MACROD2: variants seen among roughly 807,000 people sequenced by gnomAD.
The protein encoded by MACROD2 is ADP-ribose glycohydrolase MACROD2.
In MACROD2, 36 loss-of-function variants were observed where a neutral mutation model predicts 70.4. That is an observed-to-expected ratio of 0.51 (90% confidence interval 0.39 to 0.68). MACROD2 has a LOEUF of 0.68. Ranked by LOEUF, MACROD2 falls within the 30% of genes least tolerant of loss-of-function variation. MACROD2 has a pLI of 0.00. For synonymous variants in MACROD2, 172 were observed against 178.8 expected, an observed-to-expected ratio of 0.96 and a Z score of 0.30; for missense variants, 496 against 538.4, an observed-to-expected ratio of 0.92 and a Z score of 0.78.
At chr20:14,495,010 A>G (rs2084837943) in intron 4 of MACROD2, among the ~76,000 whole-genome samples, 1 of 152,174 alleles carries the variant, frequency 6.6e-6, no homozygotes, top group Admixed American at 6.6e-5. Flanking sequence ...ATGTAAACAC[A>G]TTCATCAACT....
intron 4 of MACROD2, among the ~76,000 whole-genome samples, chr20:14,640,662 C>A (rs1276151298): frequency 6.6e-6 from 1 of 152,018 alleles, no homozygotes; most frequent in Non-Finnish European, 1.5e-5. Flanking sequence ...AAGTAAACAG[C>A]AATAAAGTAA....
chr20:14,744,327 T>A (rs2071771946), intron 5 of MACROD2, among the ~76,000 whole-genome samples: 2 of 152,164 alleles, frequency 1.3e-5, no homozygotes, highest in Admixed American at 6.5e-5. Context: ...TTAAAAAAAT[T>A]TTTTAATTGA....
At chr20:15,785,147 G>A (rs1316302093) in intron 8 of MACROD2, among the ~76,000 whole-genome samples, 30 of 115,208 alleles carry the variant, frequency 2.6e-4, no homozygotes, top group African/African-American at 9.4e-4. Context: ...GCGAGACTCC[G>A]TCTCAAAAAA....
chr20:14,928,243 T>A (rs1358323231), intron 5 of MACROD2, among the ~76,000 whole-genome samples: 2 of 95,114 alleles, frequency 2.1e-5, no homozygotes, highest in African/African-American at 4.9e-5. Flanking sequence ...CAGTGTAGAA[T>A]TATTCTATCC....
intron 3 of MACROD2, among the ~76,000 whole-genome samples, chr20:14,395,237 G>GT (rs1475416640): frequency 6.6e-6 from 1 of 151,804 alleles, no homozygotes; most frequent in East Asian, 1.9e-4. Context: ...TTATTAGTTT[G>GT]TTTTTTGTGG....
At chr20:14,360,717 G>T (rs976329871) in intron 3 of MACROD2, among the ~76,000 whole-genome samples, 1 of 152,286 alleles carries the variant, frequency 6.6e-6, no homozygotes, top group South Asian at 2.1e-4. Context: ...CTGTAATCAG[G>T]CATCTTTTCT....
intron 5 of MACROD2, among the ~76,000 whole-genome samples, chr20:14,926,318 G>A (rs1262259488): frequency 2.0e-5 from 3 of 152,098 alleles, no homozygotes; most frequent in Admixed American, 6.6e-5. Flanking sequence ...AGGAGGCTGA[G>A]GCAGGTGGAT....
At chr20:14,390,465 G>T (rs1009641207) in intron 3 of MACROD2, among the ~76,000 whole-genome samples, 1 of 152,168 alleles carries the variant, frequency 6.6e-6, no homozygotes, top group African/African-American at 2.4e-5. Flanking sequence ...AACAAAGCTG[G>T]AGGCATCATG....
At chr20:14,972,898 TAAAC>T (rs1386061099) in intron 5 of MACROD2, among the ~76,000 whole-genome samples, 1 of 152,204 alleles carries the variant, frequency 6.6e-6, no homozygotes, top group East Asian at 1.9e-4. Context: ...ATCTAAAACT[TAAAC>T]AGCCAGAAAC....
At chr20:15,960,165 A>G (rs2066039207) in intron 12 of MACROD2, among the ~76,000 whole-genome samples, 1 of 152,168 alleles carries the variant, frequency 6.6e-6, no homozygotes, top group South Asian at 2.1e-4. Flanking sequence ...CTCTCCTGGT[A>G]TGTGGAGCTC....
rs532448634 is a variant in MACROD2 at position 15,543,280 on chromosome 20, A to G, written c.645+43433A>G. On this transcript the variant is annotated intron_variant, in intron 8 of 17. Transcript: ENST00000684519. Reference sequence around the variant, plus strand: ...AACTTTTCTAAGTGTCAGTTTCCTCATCTGTTCAAGAGGAATGGATAATAA... The same window carrying G: ...AACTTTTCTAAGTGTCAGTTTCCTCGTCTGTTCAAGAGGAATGGATAATAA... 4.6e-4 allele frequency among the ~76,000 whole-genome samples: 70 copies of G among 152,284 alleles called. No individual in the cohort carries two copies. In the South Asian group the frequency reaches 0.014, roughly 31 times the overall value.
chr20:14,863,215 A>C (rs2073391384), intron 5 of MACROD2, among the ~76,000 whole-genome samples: 1 of 152,098 alleles, frequency 6.6e-6, no homozygotes, highest in Non-Finnish European at 1.5e-5. Context: ...ACTTTTCATA[A>C]ACTGCACTTG....
chr20:14,863,964 T>G (rs1326742952), intron 5 of MACROD2, among the ~76,000 whole-genome samples: 1 of 152,078 alleles, frequency 6.6e-6, no homozygotes. Context: ...CAAATCTGTA[T>G]TTTTAATAAG....
At chr20:15,122,932 T>C (rs1223902435) in intron 5 of MACROD2, among the ~76,000 whole-genome samples, 1 of 152,210 alleles carries the variant, frequency 6.6e-6, no homozygotes, top group Non-Finnish European at 1.5e-5. Flanking sequence ...CACCTGTTGA[T>C]ACTCTTAACA....
chr20:15,494,505 A>G (rs1304533941), intron 7 of MACROD2, among the ~76,000 whole-genome samples: 1 of 152,268 alleles, frequency 6.6e-6, no homozygotes, highest in African/African-American at 2.4e-5. Context: ...GAAATAAGCT[A>G]CTGTTATATG....
chr20:15,314,874 A>G (rs1030668522), intron 6 of MACROD2, among the ~76,000 whole-genome samples: 12 of 152,216 alleles, frequency 7.9e-5, no homozygotes, highest in African/African-American at 2.9e-4. Context: ...ATGCACACCC[A>G]GTGCAGGACA....
intron 6 of MACROD2, among the ~76,000 whole-genome samples, chr20:15,276,291 T>G (rs1393085755): frequency 6.6e-6 from 1 of 151,616 alleles, no homozygotes. Context: ...TCCCGGCTAC[T>G]CGGGAGGCTG....
intron 8 of MACROD2, among the ~76,000 whole-genome samples, chr20:15,636,071 C>CAAAAAAAAAAAAAAAAAAAAAAAAAAAA (rs1178846767): frequency 3.6e-5 from 1 of 27,970 alleles, no homozygotes; most frequent in Non-Finnish European, 8.4e-5. Context: ...GGCTCCCTCT[C>CAAAAAAAAAAAAAAAAAAAAAAAAAAAA]AAAAGAAAAA....
chr20:15,323,102 T>G lies in MACROD2; in HGVS notation c.540+93041T>G, dbSNP rs560821377. ...ATGTTGACATTCTGCCATTCTGCAG[T>G]GATATATTGCTTAATTTGCCTTTGC... On this transcript the variant is annotated intron_variant, in intron 6 of 17. Coordinates refer to ENST00000684519, the MANE Select transcript of MACROD2 (RefSeq NM_001351661.2). Among the ~76,000 whole-genome samples the G allele has an allele frequency of 1.0e-3, 107 of 103,928 alleles. 9 individuals carry two copies. Among genetic ancestry groups the G allele is most frequent in the African/African-American group, 3.1e-3 (106 of 33,914 alleles). 68.2% of individuals were successfully genotyped at this position (103,928 alleles called of 152,430 possible).
Sources: allele counts gnomAD v4.1 joint callset (sites outside exome capture counted in the v4.1 genomes callset), GRCh38; gene constraint gnomAD v4.1.1; transcripts MANE v1.5; gene names NCBI Gene and HGNC (gene_info 2026-07-23, HGNC 2026-07-21).